Variants in FERMT2 observed in about 807,000 individuals in gnomAD.
FERMT2 encodes the protein fermitin family homolog 2.
In FERMT2, 15 loss-of-function variants were observed where a neutral mutation model predicts 82.7. That is an observed-to-expected ratio of 0.18 (90% CI 0.12 to 0.28). The LOEUF (loss-of-function observed/expected upper bound fraction) is 0.28, where lower values mean the gene tolerates loss of function less well. Ranked by LOEUF, FERMT2 falls within the 10% of genes least tolerant of loss-of-function variation. The pLI is 1.00. For missense variants in FERMT2, 645 were observed against 809.4 expected (o/e 0.80, Z 2.46); for synonymous variants, 274 against 271.5 (o/e 1.01, Z -0.09).
intron 12 of FERMT2, chr14:52,862,451 T>C (rs138881640): frequency 0.018 from 2,808 of 152,308 alleles, 30 homozygotes; most frequent in Middle Eastern, 0.04. Flanking sequence ...GCAGATCACT[T>C]GAGCTCAAGA....
In FERMT2 at chr14:52,950,619, C is replaced by A. The variant is rs770990917; in HGVS notation, c.-9-42G>T. 1.9e-6 allele frequency: 3 copies of A among 1,591,748 alleles called. No homozygotes were observed. The South Asian group carries it at 3.4e-5, about 18-fold the overall frequency. The stretch of plus-strand genomic sequence containing the variant: ...AATGGCTCTCGTAAGCGTCACTCCC[C>A]CAAAGAAAGGCGAATCCCACCGAAT... On this transcript the variant is annotated intron_variant, in intron 1 of 14. Transcript: ENST00000341590.
chr14:52,903,217 AAAG>A (rs1364704718), intron 3 of FERMT2, among the ~76,000 whole-genome samples: 4 of 152,092 alleles, frequency 2.6e-5, no homozygotes, highest in African/African-American at 2.4e-5. Flanking sequence ...GGCAGTCTAC[AAAG>A]AAGATTAAAA....
chr14:52,949,477 GCC>G (rs2139722419), intron 2 of FERMT2, among the ~76,000 whole-genome samples: 1 of 146,668 alleles, frequency 6.8e-6, no homozygotes, highest in South Asian at 2.2e-4. Context: ...AAAAGACAAT[GCC>G]ACACAGATAA....
At position 52,951,031 on chromosome 14, in the gene FERMT2, CTG is replaced by C. The variant is rs1018850059; in HGVS notation, c.-122_-121del. 4.6e-5 allele frequency: 7 copies of C among 152,474 alleles called. No individual in the cohort carries two copies. Among genetic ancestry groups the C allele is most frequent in the Non-Finnish European group, 1.0e-4 (7 of 68,508 alleles). The allele number at this position is 152,474 out of a possible 1,614,324, so 9.4% of individuals were successfully genotyped here. ...GGTTCCTCGGCTGGCGAAGCGCTGC[CTG>C]TGGCCGGAGCGGCTAATGGAGTCCC... On this transcript the variant is annotated 5_prime_UTR_variant, in exon 1 of 15. Coordinates refer to ENST00000341590, the MANE Select transcript of FERMT2 (RefSeq NM_006832.3).
chr14:52,892,159 G>GGTTTTTTTTT lies in FERMT2; in HGVS notation c.526+1133_526+1134insAAAAAAAAAC, dbSNP rs1555368978. ...GAATATGCAAAGCAGAGAGAAGGCT[G>GGTTTTTTTTT]TTTTTTGTTTTTTTTTTTTTTTTTT... On this transcript the variant is annotated intron_variant, in intron 4 of 14. Transcript: ENST00000341590. Among the ~76,000 whole-genome samples the GGTTTTTTTTT allele has an allele frequency of 1.2e-3, 91 of 78,794 alleles. 1 individual carries two copies. The highest frequency in any genetic ancestry group is 3.5e-3 in the Admixed American group (16 of 4,620). The allele number at this position is 78,794 out of a possible 152,430, so 51.7% of individuals were successfully genotyped here.
intron 3 of FERMT2, among the ~76,000 whole-genome samples, chr14:52,899,357 A>G (rs1887485265): frequency 6.6e-6 from 1 of 152,126 alleles, no homozygotes; most frequent in Non-Finnish European, 1.5e-5. Flanking sequence ...ATCTCAGCTC[A>G]CTGCAACCTC....
intron 3 of FERMT2, among the ~76,000 whole-genome samples, chr14:52,898,711 G>C (rs1170614545): frequency 7.4e-6 from 1 of 134,664 alleles, no homozygotes; most frequent in Non-Finnish European, 1.6e-5. Context: ...TCAACATTAA[G>C]TGGAGGCAGG....
chr14:52,872,852 T>C lies in FERMT2; in HGVS notation c.1220A>G (p.Tyr407Cys). ...CTFKDTSISCYKSKEESSGTP... is the reference protein window; with the variant it reads ...CTFKDTSISCCKSKEESSGTP... ...GCCACTGGATTCTTCTTTGCTCTTA[T>C]AACAAGAAATGGATGTGTCTTTGAA... is the stretch of plus-strand genomic sequence containing the variant. Residue 407 changes from tyrosine (Y) to cysteine (C), a missense_variant, in exon 10 of 15, where the codon TAT becomes TGT. Tyr to Cys is a radical substitution (Grantham distance 194, BLOSUM62 -2). Transcript: ENST00000341590. 6.2e-7 allele frequency: 1 copy of C among 1,614,078 alleles called. No homozygotes were observed. Among genetic ancestry groups the C allele is most frequent in the South Asian group, 1.1e-5 (1 of 91,082 alleles).
In FERMT2 at chr14:52,942,453, C is replaced by T. The variant is rs550892687; in HGVS notation, c.157+7959G>A. 7.1e-4 allele frequency among the ~76,000 whole-genome samples: 108 copies of T among 152,010 alleles called. No individual in the cohort carries two copies. The Middle Eastern group carries it at 0.017, about 24-fold the overall frequency. On this transcript the variant is annotated intron_variant, in intron 2 of 14. Transcript: ENST00000341590. ...GAGTAGCTGCAACTACAGGCGCCCA[C>T]CACCACGCCCAGCTAATTTTTTGTA... is the stretch of plus-strand genomic sequence containing the variant.
intron 2 of FERMT2, among the ~76,000 whole-genome samples, chr14:52,945,997 C>T (rs1229733062): frequency 6.6e-6 from 1 of 152,184 alleles, no homozygotes; most frequent in African/African-American, 2.4e-5. Context: ...CTGTCTCAGC[C>T]TCCCGAGTAG....
rs143598236 is a variant in FERMT2, at chr14:52,928,879, C to T, written c.158-9523G>A. ...TGAAAAAGTGTCTCTTCCTGTCTAT[C>T]TAAAGCCAATCCCACCTCCTACGCT... is the stretch of plus-strand genomic sequence containing the variant. On this transcript the variant is annotated intron_variant, in intron 2 of 14. Coordinates refer to ENST00000341590, the MANE Select transcript of FERMT2 (RefSeq NM_006832.3). Among the ~76,000 whole-genome samples the T allele has an allele frequency of 4.7e-4, 72 of 152,330 alleles. No individual in the cohort carries two copies. The East Asian group carries it at 0.013, about 29-fold the overall frequency.
At chr14:52,879,280 T>A (rs1886158084) in intron 6 of FERMT2, among the ~76,000 whole-genome samples, 1 of 152,216 alleles carries the variant, frequency 6.6e-6, no homozygotes, top group Non-Finnish European at 1.5e-5. Flanking sequence ...TAAATAAAAG[T>A]CAATAGTAAT....
At chr14:52,874,789 T>C (rs1885851477) in intron 8 of FERMT2, among the ~76,000 whole-genome samples, 1 of 152,210 alleles carries the variant, frequency 6.6e-6, no homozygotes. Flanking sequence ...TAGAGACTAA[T>C]ACATTATTAC....
chr14:52,916,359 G>T (rs78623109), intron 3 of FERMT2, among the ~76,000 whole-genome samples: 13,583 of 131,292 alleles, frequency 0.1, 736 homozygotes, highest in East Asian at 0.22. Flanking sequence ...AAAAGAAGAA[G>T]AAAAGAAAAA....
chr14:52,874,230 GGA>G lies in FERMT2; in HGVS notation c.1099-6_1099-5del. The G allele has an allele frequency of 4.4e-6, 7 of 1,573,524 alleles. No individual in the cohort carries two copies. Among genetic ancestry groups the G allele is most frequent in the Non-Finnish European group, 6.0e-6 (7 of 1,159,968 alleles). ...CAGGAATGGAAGTAATGTCACCCTAGGAGAGAGTTAAATCCTTTTTTAATTTT... is the reference window on the plus strand; with the variant it reads ...CAGGAATGGAAGTAATGTCACCCTAGGAGAGTTAAATCCTTTTTTAATTTT... On this transcript the variant is annotated splice_polypyrimidine_tract_variant and splice_region_variant and intron_variant, in intron 8 of 14. Transcript: ENST00000341590.
rs771194186 is a variant in FERMT2, at chr14:52,877,574, C to CTTTAAT, written c.963+1007_963+1008insATTAAA. ...CTAAGGTGAAAATTAGCTGTTCTTG[C>CTTTAAT]TTTTTTTTTTTTTTTTTTTTTTTTG... On this transcript the variant is annotated intron_variant, in intron 7 of 14. Coordinates refer to ENST00000341590, the MANE Select transcript of FERMT2 (RefSeq NM_006832.3). Among the ~76,000 whole-genome samples the CTTTAAT allele has an allele frequency of 8.9e-3, 595 of 67,070 alleles. 16 individuals are homozygous for CTTTAAT. The highest frequency in any genetic ancestry group is 0.034 in the African/African-American group (566 of 16,412). The allele number at this position is 67,070 out of a possible 152,430, so 44.0% of individuals were successfully genotyped here. A position where few individuals can be genotyped will look rare whatever the true frequency, so the allele number is the denominator to read the frequency against.
intron 12 of FERMT2, chr14:52,860,733 T>C: frequency 1.8e-6 from 1 of 558,590 alleles, no homozygotes; most frequent in Non-Finnish European, 3.1e-6. Context: ...ATATTCCAAA[T>C]GCATACACCT....
At chr14:52,930,319 C>T (rs1889503325) in intron 2 of FERMT2, among the ~76,000 whole-genome samples, 1 of 152,186 alleles carries the variant, frequency 6.6e-6, no homozygotes, top group Non-Finnish European at 1.5e-5. Flanking sequence ...ACTTGTAAGT[C>T]TGAGAATTCA....
At chr14:52,888,726 C>T (rs780474728) in intron 4 of FERMT2, among the ~76,000 whole-genome samples, 19 of 152,194 alleles carry the variant, frequency 1.2e-4, no homozygotes, top group Admixed American at 3.3e-4. Flanking sequence ...TCCTCAGCTT[C>T]CCAAATTCTA....
Sources: allele counts gnomAD v4.1 joint callset (sites outside exome capture counted in the v4.1 genomes callset), GRCh38; gene constraint gnomAD v4.1.1; transcripts MANE v1.5; gene names NCBI Gene and HGNC (gene_info 2026-07-23, HGNC 2026-07-21).